The following LYRM4 variants were observed in gnomAD, a reference collection of about 807,000 sequenced individuals.
LYRM4 encodes LYR motif-containing protein 4.
In LYRM4, 9 loss-of-function variants were observed where a neutral mutation model predicts 11.7. The observed-to-expected ratio is 0.77, with a 90% CI of 0.46 to 1.34. LYRM4 has a LOEUF of 1.34. LYRM4 is among the 40% of genes most tolerant of loss of function. The pLI is 0.00. For synonymous variants in LYRM4, 42 were observed against 40.4 expected (o/e 1.04, Z -0.15); for missense variants, 133 against 112.5 (o/e 1.18, Z -0.82).
At chr6:5,130,165 G>C (rs1763883992) in intron 2 of LYRM4, among the ~76,000 whole-genome samples, 1 of 152,206 alleles carries the variant, frequency 6.6e-6, no homozygotes, top group South Asian at 2.1e-4. Context: ...GGAGACACTG[G>C]TGTGAGTGAG....
intron 2 of LYRM4, among the ~76,000 whole-genome samples, chr6:5,162,798 T>C (rs892632296): frequency 2.6e-5 from 4 of 152,208 alleles, no homozygotes; most frequent in African/African-American, 9.6e-5. Flanking sequence ...TATAGAGTAT[T>C]TGAATAGTTG....
At chr6:5,223,620 C>T (rs867854147) in intron 1 of LYRM4, among the ~76,000 whole-genome samples, 9 of 152,330 alleles carry the variant, frequency 5.9e-5, no homozygotes, top group Middle Eastern at 3.4e-3. Context: ...TCTAACTTTT[C>T]AACTCTGCTT....
At chr6:5,168,370 C>T (rs1489441996) in intron 2 of LYRM4, among the ~76,000 whole-genome samples, 1 of 152,170 alleles carries the variant, frequency 6.6e-6, no homozygotes, top group Middle Eastern at 3.2e-3. Context: ...AAGTTGGCAT[C>T]GCCAATAATG....
At chr6:5,129,816 G>A (rs933603642) in intron 2 of LYRM4, among the ~76,000 whole-genome samples, 1 of 152,178 alleles carries the variant, frequency 6.6e-6, no homozygotes, top group Non-Finnish European at 1.5e-5. Context: ...TAGGACCTAG[G>A]ACCATCCTTA....
Position 5,224,462 on chromosome 6 carries a change from T to C in LYRM4, c.87-7724A>G, listed in dbSNP as rs78364930. Among the ~76,000 whole-genome samples, 919 of 152,318 alleles carry C rather than the reference T, an allele frequency of 6.0e-3. 11 individuals are homozygous for C. The highest frequency in any genetic ancestry group is 0.043 in the South Asian group (210 of 4,834). ...GGTACTTCCTGTGAAGAAAACAGTATACTAATGGATGGATACTGATGTTCT... is the reference window on the plus strand; with the variant it reads ...GGTACTTCCTGTGAAGAAAACAGTACACTAATGGATGGATACTGATGTTCT... On this transcript the variant is annotated intron_variant, in intron 1 of 2. Transcript: ENST00000330636.
chr6:5,095,720 A>G, the LYRM4 span, among the ~76,000 whole-genome samples: 1 of 152,030 alleles, frequency 6.6e-6, no homozygotes, highest in Admixed American at 6.6e-5. Context: ...GCTCACACCT[A>G]TAATCCCAGC....
the LYRM4 span, chr6:5,086,752 A>AG: frequency 1.7e-6 from 1 of 595,746 alleles, no homozygotes; most frequent in Non-Finnish European, 2.9e-6. Flanking sequence ...GAGCTTAGAG[A>AG]GCCCGGGCAA....
chr6:5,065,097 T>C, the LYRM4 span, among the ~76,000 whole-genome samples: 3 of 152,196 alleles, frequency 2.0e-5, no homozygotes, highest in Non-Finnish European at 4.4e-5. Context: ...TTATCCAGAA[T>C]GTCATAGTTA....
chr6:5,160,526 G>A (rs1758690886), intron 2 of LYRM4, among the ~76,000 whole-genome samples: 1 of 152,002 alleles, frequency 6.6e-6, no homozygotes, highest in South Asian at 2.1e-4. Flanking sequence ...CAGATTTAAA[G>A]GATATTAAAG....
chr6:5,210,204 A>G (rs1466462190), intron 2 of LYRM4, among the ~76,000 whole-genome samples: 1 of 152,218 alleles, frequency 6.6e-6, no homozygotes, highest in Non-Finnish European at 1.5e-5. Flanking sequence ...AAAACCAGGC[A>G]TAGAGTAATT....
At chr6:5,087,407 C>T in the LYRM4 span, 1 of 152,236 alleles carries the variant, frequency 6.6e-6, no homozygotes, top group African/African-American at 2.4e-5. Flanking sequence ...TTAAAATGTT[C>T]TGTAGAAAGT....
At chr6:5,113,167 G>A in intron 2 of LYRM4, 1 of 326,322 alleles carries the variant, frequency 3.1e-6, no homozygotes, top group South Asian at 2.2e-5. Flanking sequence ...GGGTGCAGTG[G>A]CTTACGCCTA....
At chr6:5,223,579 G>T (rs1447443386) in intron 1 of LYRM4, among the ~76,000 whole-genome samples, 1 of 152,088 alleles carries the variant, frequency 6.6e-6, no homozygotes. Flanking sequence ...AAAAAAAATT[G>T]TCTCTGGCAT....
At chr6:5,092,592 C>A in the LYRM4 span, among the ~76,000 whole-genome samples, 1 of 151,910 alleles carries the variant, frequency 6.6e-6, no homozygotes, top group Admixed American at 6.6e-5. Flanking sequence ...GTGGTGCACA[C>A]CTGTAGTCCC....
At chr6:5,040,742 A>G in the LYRM4 span, among the ~76,000 whole-genome samples, 1 of 152,172 alleles carries the variant, frequency 6.6e-6, no homozygotes, top group African/African-American at 2.4e-5. Flanking sequence ...TGAATGTACC[A>G]AAGTATCACA....
the LYRM4 span, among the ~76,000 whole-genome samples, chr6:5,050,606 A>C: frequency 5.9e-5 from 9 of 152,128 alleles, no homozygotes. Flanking sequence ...CAACAACAAC[A>C]TATACAGAGG....
At chr6:5,120,479 T>C (rs962758591) in intron 2 of LYRM4, among the ~76,000 whole-genome samples, 1 of 152,146 alleles carries the variant, frequency 6.6e-6, no homozygotes, top group Non-Finnish European at 1.5e-5. Context: ...AAAGGTGGTG[T>C]GGACCCAAAA....
chr6:5,251,981 G>A (rs2753236), intron 1 of LYRM4, among the ~76,000 whole-genome samples: 43,362 of 151,810 alleles, frequency 0.29, 7,766 homozygotes, highest in African/African-American at 0.51. Context: ...TCCTAAACAC[G>A]AATCATTATT....
chr6:5,239,425 C>T (rs1763736941), intron 1 of LYRM4, among the ~76,000 whole-genome samples: 1 of 151,938 alleles, frequency 6.6e-6, no homozygotes, highest in Non-Finnish European at 1.5e-5. Flanking sequence ...CAGGAGGCCC[C>T]TGGAAAGGAC....
Sources: gnomAD v4.1 joint callset for allele counts (sites outside exome capture counted in the v4.1 genomes callset) on GRCh38, gnomAD v4.1.1 for gene constraint, MANE v1.5 for transcripts, NCBI Gene and HGNC (gene_info 2026-07-23, HGNC 2026-07-21) for gene names.